Variants in NMNAT3 observed in about 807,000 individuals in gnomAD.
The protein encoded by NMNAT3 is nicotinamide nucleotide adenylyltransferase 3, also known as nicotinamide/nicotinic acid mononucleotide adenylyltransferase 3.
NMNAT3 carries 21 observed loss-of-function variants against 24.8 expected under a neutral mutation model. The observed-to-expected ratio is 0.85, with a 90% CI of 0.60 to 1.22. NMNAT3 has a LOEUF of 1.22. Ranked by LOEUF, NMNAT3 falls within the 50% of genes most tolerant of loss-of-function variation. The probability of loss-of-function intolerance (pLI) is 0.00; values close to 1 mark genes in which losing one functional copy is unlikely to be tolerated. For synonymous variants in NMNAT3, 136 were observed against 155.2 expected, an observed-to-expected ratio of 0.88 and a Z score of 0.92; for missense variants, 387 against 436.6, an observed-to-expected ratio of 0.89 and a Z score of 1.01.
At chr3:139,599,326 G>A in intron 3 of NMNAT3, 1 of 702,500 alleles carries the variant, frequency 1.4e-6, no homozygotes, top group Non-Finnish European at 2.6e-6. Context: ...TGGGGCTTTT[G>A]CTGGGAGAAG....
intron 5 of NMNAT3, among the ~76,000 whole-genome samples, chr3:139,578,249 G>A (rs1301737357): frequency 6.6e-6 from 1 of 152,148 alleles, no homozygotes; most frequent in Admixed American, 6.5e-5. Context: ...TATTACTTAT[G>A]CTGAATACAA....
intron 1 of NMNAT3, among the ~76,000 whole-genome samples, chr3:139,652,806 C>T (rs898105792): frequency 6.6e-6 from 1 of 152,280 alleles, no homozygotes; most frequent in East Asian, 1.9e-4. Flanking sequence ...TTCTCTTCCT[C>T]GAGAGAAGCT....
chr3:139,582,837 C>A, intron 4 of NMNAT3: 1 of 805,960 alleles, frequency 1.2e-6, no homozygotes, highest in Non-Finnish European at 1.8e-6. Flanking sequence ...TTCAATGCAA[C>A]TCTTCTTTCA....
chr3:139,632,064 G>A (rs1301476045), intron 2 of NMNAT3, among the ~76,000 whole-genome samples: 3 of 152,128 alleles, frequency 2.0e-5, no homozygotes, highest in African/African-American at 7.2e-5. Context: ...TGATTAGAGA[G>A]TGGTTTTTAA....
At chr3:139,645,311 C>T (rs1327029806) in intron 1 of NMNAT3, among the ~76,000 whole-genome samples, 2 of 152,156 alleles carry the variant, frequency 1.3e-5, no homozygotes, top group Non-Finnish European at 2.9e-5. Context: ...AGTCTAGATA[C>T]TGATTAAAGT....
At chr3:139,602,442 G>C (rs943889851) in intron 3 of NMNAT3, among the ~76,000 whole-genome samples, 3 of 152,188 alleles carry the variant, frequency 2.0e-5, no homozygotes, top group African/African-American at 7.2e-5. Flanking sequence ...GAATGAACAG[G>C]ATAGAAGACA....
chr3:139,584,136 T>C (rs1576573991), intron 3 of NMNAT3: 1 of 153,716 alleles, frequency 6.5e-6, no homozygotes, highest in Non-Finnish European at 1.4e-5. Flanking sequence ...CTATTGGTGT[T>C]ATTTTGCTAT....
chr3:139,598,162 T>C (rs1297501549), intron 3 of NMNAT3, among the ~76,000 whole-genome samples: 2 of 152,216 alleles, frequency 1.3e-5, no homozygotes, highest in Non-Finnish European at 2.9e-5. Context: ...GTAGGCTCAC[T>C]AGAGGAGAGA....
Position 139,573,589 on chromosome 3 carries a change from A to G in NMNAT3, c.658+9T>C, listed in dbSNP as rs1232275722. On this transcript the variant is annotated intron_variant, in intron 6 of 6. Coordinates refer to ENST00000643695, the MANE Select transcript of NMNAT3 (RefSeq NM_001320510.2). ...TCATTCTCCTACAGACAAGAGGATC[A>G]GCACCCACCTGCAGGGGTCGAGAAG... is the stretch of plus-strand genomic sequence containing the variant. 1.3e-6 allele frequency: 2 copies of G among 1,547,708 alleles called. No individual in the cohort carries two copies. The highest frequency in any genetic ancestry group is 1.8e-6 in the Non-Finnish European group (2 of 1,138,070).
chr3:139,582,988 A>C lies in NMNAT3; in HGVS notation c.330T>G (p.Ile110Met). The C allele has an allele frequency of 6.3e-7, 1 of 1,583,728 alleles. No homozygotes were observed. The highest frequency in any genetic ancestry group is 8.6e-7 in the Non-Finnish European group (1 of 1,168,118). ...GGTTCCAGGTGCTATCTATAAATAT[A>C]ATTTTTTTCAGTGTTGTGCCTTTGC... is the stretch of plus-strand genomic sequence containing the variant. The change falls in exon 4 of 7, where the codon ATT (isoleucine) becomes ATG (methionine). Residue 110 changes from isoleucine to methionine, a missense_variant. By Grantham distance (10) the Ile-to-Met change is conservative. Transcript: ENST00000643695.
chr3:139,569,251 G>C (rs1937676807), intron 6 of NMNAT3: 1 of 144,540 alleles, frequency 6.9e-6, no homozygotes, highest in South Asian at 2.7e-4. Flanking sequence ...CCCGTGAGAT[G>C]GGTTTCCTGA....
intron 1 of NMNAT3, among the ~76,000 whole-genome samples, chr3:139,646,261 G>A (rs536049189): frequency 6.6e-6 from 1 of 152,302 alleles, no homozygotes; most frequent in South Asian, 2.1e-4. Flanking sequence ...TTCTGTGGTG[G>A]ACATTTTGGT....
chr3:139,632,088 C>A (rs1401214214), intron 2 of NMNAT3, among the ~76,000 whole-genome samples: 3 of 152,030 alleles, frequency 2.0e-5, no homozygotes, highest in Non-Finnish European at 2.9e-5. Flanking sequence ...CATCTTGGTC[C>A]TTTCAACTCC....
chr3:139,622,026 T>C (rs1442770851), intron 3 of NMNAT3, among the ~76,000 whole-genome samples: 2 of 152,236 alleles, frequency 1.3e-5, no homozygotes, highest in African/African-American at 4.8e-5. Flanking sequence ...CTATTGTGAA[T>C]AGTGCTGCAA....
intron 1 of NMNAT3, among the ~76,000 whole-genome samples, chr3:139,665,456 A>G (rs1234477726): frequency 6.6e-6 from 1 of 152,154 alleles, no homozygotes; most frequent in Non-Finnish European, 1.5e-5. Context: ...CACAGTCCAT[A>G]ATCTCTAGGA....
Position 139,593,053 on chromosome 3 carries a change from A to G in NMNAT3, c.110-9845T>C, listed in dbSNP as rs374439339. On this transcript the variant is annotated intron_variant, in intron 3 of 6. Coordinates refer to ENST00000643695, the MANE Select transcript of NMNAT3 (RefSeq NM_001320510.2). The stretch of plus-strand genomic sequence containing the variant: ...TTGGATAAAGAGTCAAGACCCATCA[A>G]TGTGCTGTATTCAGGAAACCCATCT... 2.0e-4 allele frequency among the ~76,000 whole-genome samples: 30 copies of G among 152,174 alleles called. No homozygotes were observed. In the South Asian group the frequency reaches 4.4e-3, roughly 22 times the overall value.
intron 1 of NMNAT3, among the ~76,000 whole-genome samples, chr3:139,640,632 C>A (rs2108354377): frequency 6.6e-6 from 1 of 152,286 alleles, no homozygotes; most frequent in African/African-American, 2.4e-5. Flanking sequence ...GCTGAACAGG[C>A]CAGTGGATGC....
rs186311766 is a variant in NMNAT3 at position 139,643,517 on chromosome 3, C to T, written c.-140-5455G>A. 2.5e-3 allele frequency among the ~76,000 whole-genome samples: 383 copies of T among 152,298 alleles called. 1 individual carries two copies. The highest frequency in any genetic ancestry group is 8.7e-3 in the African/African-American group (360 of 41,564). On this transcript the variant is annotated intron_variant, in intron 1 of 6. Coordinates refer to ENST00000643695, the MANE Select transcript of NMNAT3 (RefSeq NM_001320510.2). ...AAAATGAATGGAAAAACAAAATATA[C>T]GTTGCATGTATATAATAAAATATTA...
intron 4 of NMNAT3, among the ~76,000 whole-genome samples, chr3:139,582,134 G>A (rs1194626342): frequency 5.6e-5 from 8 of 142,514 alleles, no homozygotes; most frequent in African/African-American, 2.1e-4. Context: ...GGCAGAGGTT[G>A]CAGTGAGCCG....
Sources: gnomAD v4.1 joint callset for allele counts (sites outside exome capture counted in the v4.1 genomes callset) on GRCh38, gnomAD v4.1.1 for gene constraint, MANE v1.5 for transcripts, NCBI Gene and HGNC (gene_info 2026-07-23, HGNC 2026-07-21) for gene names.